The following SLC24A2 variants were observed in gnomAD, a reference collection of about 807,000 sequenced individuals.
SLC24A2 encodes sodium/potassium/calcium exchanger 2.
Under a neutral mutation model 62.0 loss-of-function variants are expected in SLC24A2, and 36 were observed. The ratio of observed to expected loss-of-function variants is 0.58; its 90% CI spans 0.44 to 0.77. The LOEUF (loss-of-function observed/expected upper bound fraction) is 0.77, where lower values mean the gene tolerates loss of function less well. Ranked by LOEUF, SLC24A2 falls within the 30% of genes least tolerant of loss-of-function variation. The pLI, the probability that SLC24A2 is intolerant of heterozygous loss-of-function variation, is 0.00. For synonymous variants in SLC24A2, 358 were observed against 294.0 expected (o/e 1.22, Z -2.23); for missense variants, 846 against 817.9 (o/e 1.03, Z -0.42).
the SLC24A2 span, among the ~76,000 whole-genome samples, chr9:20,017,171 C>T: frequency 3.9e-5 from 6 of 152,064 alleles, no homozygotes; most frequent in South Asian, 1.0e-3. Context: ...TACAGGTGTG[C>T]ACCACCACTC....
chr9:20,272,126 AGAATGGCT>A, the SLC24A2 span, among the ~76,000 whole-genome samples: 2 of 152,266 alleles, frequency 1.3e-5, no homozygotes, highest in Admixed American at 1.3e-4. Context: ...TACACCTTTG[AGAATGGCT>A]GACTTGCATA....
At chr9:19,619,524 G>T in intron 4 of SLC24A2, 60 bp downstream of exon 4, 2 of 1,280,024 alleles carry the variant, frequency 1.6e-6, no homozygotes, top group Non-Finnish European at 2.3e-6. Flanking sequence ...TTTATGCAGA[G>T]AAGCCTTTTG....
At chr9:19,534,778 T>C (rs1036466794) in intron 8 of SLC24A2, among the ~76,000 whole-genome samples, 1 of 152,208 alleles carries the variant, frequency 6.6e-6, no homozygotes, top group East Asian at 1.9e-4. Flanking sequence ...TGTGGGTTGG[T>C]TCCAAGTCTT....
intron 5 of SLC24A2, among the ~76,000 whole-genome samples, chr9:19,596,580 C>T (rs961744485): frequency 6.6e-6 from 1 of 152,094 alleles, no homozygotes; most frequent in Non-Finnish European, 1.5e-5. Flanking sequence ...TTAATAAATA[C>T]ATCTTATATA....
intron 2 of SLC24A2, among the ~76,000 whole-genome samples, chr9:19,654,260 A>G (rs1389985470): frequency 6.6e-6 from 1 of 152,202 alleles, no homozygotes; most frequent in Non-Finnish European, 1.5e-5. Flanking sequence ...TGCTGCTTGA[A>G]TAAGCATGAG....
chr9:19,842,301 G>A, the SLC24A2 span, among the ~76,000 whole-genome samples: 2 of 152,124 alleles, frequency 1.3e-5, no homozygotes, highest in East Asian at 1.9e-4. Context: ...GATCATAACT[G>A]TTGAATGAAC....
chr9:20,262,970 T>C, the SLC24A2 span, among the ~76,000 whole-genome samples: 1 of 152,156 alleles, frequency 6.6e-6, no homozygotes, highest in Non-Finnish European at 1.5e-5. Context: ...ACTTGGTAAA[T>C]GTCAGTTAAT....
In SLC24A2 at chr9:19,784,040, T is replaced by C. The variant is rs538878279; in HGVS notation, c.930+1897A>G. 7.2e-5 allele frequency among the ~76,000 whole-genome samples: 11 copies of C among 152,316 alleles called. No homozygotes were observed. The South Asian group carries it at 2.3e-3, about 32-fold the overall frequency. On this transcript the variant is annotated intron_variant, in intron 2 of 10. Coordinates refer to ENST00000341998, the MANE Select transcript of SLC24A2 (RefSeq NM_020344.4). ...ATTTTAGAACACACAATATTAAGTA[T>C]AGCACAAAATTATGGATGCAAATAA...
the SLC24A2 span, among the ~76,000 whole-genome samples, chr9:20,243,507 G>A: frequency 6.6e-6 from 1 of 152,070 alleles, no homozygotes; most frequent in Non-Finnish European, 1.5e-5. Flanking sequence ...AAAATTATAA[G>A]CATCATCCTC....
At chr9:19,548,515 C>T (rs889947232) in intron 8 of SLC24A2, among the ~76,000 whole-genome samples, 2 of 152,192 alleles carry the variant, frequency 1.3e-5, no homozygotes, top group African/African-American at 2.4e-5. Flanking sequence ...GCCTTGGGCT[C>T]TCAGGGTTGG....
chr9:20,282,760 G>A, the SLC24A2 span, among the ~76,000 whole-genome samples: 1 of 152,020 alleles, frequency 6.6e-6, no homozygotes, highest in African/African-American at 2.4e-5. Context: ...ATATACTCTT[G>A]AACTTTATCA....
the SLC24A2 span, among the ~76,000 whole-genome samples, chr9:19,934,459 G>T: frequency 6.6e-6 from 1 of 152,026 alleles, no homozygotes; most frequent in Non-Finnish European, 1.5e-5. This position sits in a 1 kb window ranked among gnomAD's most constrained non-coding sequence, Gnocchi z 4.1. Flanking sequence ...CGCACCACAA[G>T]GACCCCAAGC....
At chr9:19,886,399 T>C in the SLC24A2 span, among the ~76,000 whole-genome samples, 2 of 152,084 alleles carry the variant, frequency 1.3e-5, no homozygotes, top group South Asian at 4.1e-4. Context: ...TTTTGAAAAG[T>C]GTCTGTTCCA....
intron 4 of SLC24A2, among the ~76,000 whole-genome samples, chr9:19,605,008 A>C (rs1836944475): frequency 6.6e-6 from 1 of 152,228 alleles, no homozygotes; most frequent in Non-Finnish European, 1.5e-5. Context: ...TAAATACTAG[A>C]CTGTATAAGT....
chr9:19,876,365 CGTGT>C, the SLC24A2 span, among the ~76,000 whole-genome samples: 23,311 of 145,462 alleles, frequency 0.16, 1,916 homozygotes, highest in Middle Eastern at 0.3. Context: ...TTATTGAAGG[CGTGT>C]GTGTGTGTGT....
chr9:19,952,324 C>T, the SLC24A2 span, among the ~76,000 whole-genome samples: 2 of 151,976 alleles, frequency 1.3e-5, no homozygotes, highest in Admixed American at 1.3e-4. Context: ...TGCCTTATTG[C>T]ACTGGTTATG....
the SLC24A2 span, among the ~76,000 whole-genome samples, chr9:20,049,780 G>C: frequency 1.3e-5 from 2 of 152,150 alleles, no homozygotes; most frequent in African/African-American, 4.8e-5. Flanking sequence ...ATAAACTACA[G>C]GGATTAAGGT....
At chr9:19,561,198 G>A (rs1835381312) in intron 7 of SLC24A2, among the ~76,000 whole-genome samples, 2 of 152,018 alleles carry the variant, frequency 1.3e-5, no homozygotes, top group Admixed American at 6.6e-5. Flanking sequence ...CCAAAGTGCT[G>A]GGATTACAGG....
chr9:20,262,858 T>G, the SLC24A2 span, among the ~76,000 whole-genome samples: 2 of 151,432 alleles, frequency 1.3e-5, no homozygotes, highest in South Asian at 4.3e-4. Context: ...CACTGCCATG[T>G]GTGCCTTTCT....
Sources: allele counts gnomAD v4.1 joint callset (sites outside exome capture counted in the v4.1 genomes callset), GRCh38; gene constraint gnomAD v4.1.1; non-coding constraint Gnocchi (gnomAD v3.1); transcripts MANE v1.5; gene names NCBI Gene and HGNC (gene_info 2026-07-23, HGNC 2026-07-21).